Variants in RBL1 observed in about 807,000 individuals in gnomAD.
RBL1 encodes retinoblastoma-like protein 1.
A neutral mutation model predicts 123.0 loss-of-function variants in RBL1; 82 were observed. The ratio of observed to expected loss-of-function variants is 0.67; its 90% CI spans 0.56 to 0.80. RBL1 has a LOEUF of 0.80. Among genes scored for constraint, RBL1 ranks in the 30% least tolerant of loss-of-function variants. RBL1 has a pLI of 0.00. For missense variants in RBL1, 1,171 were observed against 1,299.6 expected, an observed-to-expected ratio of 0.90 and a Z score of 1.52; for synonymous variants, 405 against 441.3, an observed-to-expected ratio of 0.92 and a Z score of 1.03.
At chr20:37,092,684 G>A (rs2065667781) in intron 1 of RBL1, among the ~76,000 whole-genome samples, 1 of 151,850 alleles carries the variant, frequency 6.6e-6, no homozygotes, top group Non-Finnish European at 1.5e-5. Flanking sequence ...TAGAGATAGG[G>A]TCTCACTATG....
At chr20:37,064,310 G>A (rs976750802) in intron 7 of RBL1, among the ~76,000 whole-genome samples, 1 of 151,584 alleles carries the variant, frequency 6.6e-6, no homozygotes, top group African/African-American at 2.4e-5. Flanking sequence ...GCTAATTTTT[G>A]TATTTTTAGT....
chr20:37,089,054 A>G lies in RBL1; in HGVS notation c.225T>C (p.Val75=). 6.2e-7 allele frequency: 1 copy of G among 1,612,884 alleles called. No homozygotes were observed. Residue 75 remains valine, a synonymous_variant, in exon 2 of 22, where the codon GTT becomes GTC. Transcript: ENST00000373664. ...AGTTGCCTTCCATGATACCCTTTCC[A>G]ACCGTGGGAATAATGCTTTTGCGGC... ...VACRKSIIPT[V]GKGIMEGNCV...
At position 37,058,153 on chromosome 20, in the gene RBL1, G is replaced by A. The variant is rs76549670; in HGVS notation, c.1251-1895C>T. 1.9e-3 allele frequency among the ~76,000 whole-genome samples: 240 copies of A among 124,312 alleles called. 1 individual carries two copies. Among genetic ancestry groups the A allele is most frequent in the East Asian group, 5.7e-3 (16 of 2,812 alleles). The allele number at this position is 124,312 out of a possible 152,430, so 81.6% of individuals were successfully genotyped here. A position where few individuals can be genotyped will look rare whatever the true frequency, so the allele number is the denominator to read the frequency against. ...AACAAAACAAAACAAAAAAAAAAAA[G>A]CCTATTCCAGGGTTCACTATTCCTA... On this transcript the variant is annotated intron_variant, in intron 9 of 21. Transcript: ENST00000373664.
intron 2 of RBL1, among the ~76,000 whole-genome samples, chr20:37,075,517 G>A (rs928835133): frequency 6.6e-6 from 1 of 151,814 alleles, no homozygotes; most frequent in Admixed American, 6.6e-5. Flanking sequence ...GTGCAGTGGC[G>A]CGATCTTGGC....
At position 36,997,670 on chromosome 20, in the gene RBL1, C is replaced by T. The variant is rs1211662936; in HGVS notation, c.*1089G>A. The T allele has an allele frequency of 6.6e-6, 1 of 152,062 alleles. No individual in the cohort carries two copies. The highest frequency in any genetic ancestry group is 1.5e-5 in the Non-Finnish European group (1 of 68,018). The allele number at this position is 152,062 out of a possible 1,614,324, so 9.4% of individuals were successfully genotyped here. On this transcript the variant is annotated 3_prime_UTR_variant, in exon 22 of 22. Transcript: ENST00000373664. ...CTAATAGGAATTTAGTTTTTAATAACTAACTGAATTTTATTTTACTGGCTT... is the reference window on the plus strand; with the variant it reads ...CTAATAGGAATTTAGTTTTTAATAATTAACTGAATTTTATTTTACTGGCTT...
intron 2 of RBL1, among the ~76,000 whole-genome samples, chr20:37,083,803 C>CA (rs1172662647): frequency 1.3e-3 from 191 of 146,044 alleles, no homozygotes; most frequent in African/African-American, 4.0e-3. Context: ...GATTCTAGCT[C>CA]AAAAAAAAAT....
chr20:37,007,352 C>T, intron 20 of RBL1, 59 bp downstream of exon 20: 1 of 1,551,322 alleles, frequency 6.4e-7, no homozygotes, highest in East Asian at 2.3e-5. Flanking sequence ...GCAAAATAAA[C>T]TTATAGTAAT....
chr20:37,061,971 G>A, intron 8 of RBL1, 113 bp downstream of exon 8: 3 of 1,209,008 alleles, frequency 2.5e-6, no homozygotes, highest in Admixed American at 2.7e-5. Flanking sequence ...TGAGAAATAT[G>A]AATTAGTAGA....
chr20:37,031,488 T>C (rs1220796997), intron 16 of RBL1, among the ~76,000 whole-genome samples: 1 of 152,150 alleles, frequency 6.6e-6, no homozygotes, highest in African/African-American at 2.4e-5. Context: ...ATTGAAACTA[T>C]AGTAAGATGT....
intron 2 of RBL1, among the ~76,000 whole-genome samples, chr20:37,069,049 A>G (rs566395461): frequency 5.8e-4 from 88 of 152,274 alleles, no homozygotes; most frequent in Middle Eastern, 3.4e-3. Context: ...TGTGTTGGCC[A>G]GGCCGGTCTC....
chr20:37,076,325 A>G (rs905148086), intron 2 of RBL1, among the ~76,000 whole-genome samples: 1 of 152,244 alleles, frequency 6.6e-6, no homozygotes, highest in Non-Finnish European at 1.5e-5. Flanking sequence ...GAGTTTAACA[A>G]TAATAAAATA....
chr20:37,091,737 CCA>C (rs1277539614), intron 1 of RBL1, among the ~76,000 whole-genome samples: 1 of 151,340 alleles, frequency 6.6e-6, no homozygotes, highest in African/African-American at 2.4e-5. Context: ...ATACACTGTT[CCA>C]CAGACTGTCT....
At chr20:37,081,203 T>G (rs1157346395) in intron 2 of RBL1, among the ~76,000 whole-genome samples, 1 of 152,170 alleles carries the variant, frequency 6.6e-6, no homozygotes, top group African/African-American at 2.4e-5. Context: ...CTTTGTAATA[T>G]TCCCCCCTCC....
chr20:37,011,754 T>C (rs1243075842), intron 19 of RBL1, among the ~76,000 whole-genome samples: 3 of 152,098 alleles, frequency 2.0e-5, no homozygotes, highest in Admixed American at 2.0e-4. Flanking sequence ...TTTTTACTGA[T>C]GAAAATAATG....
At chr20:37,048,847 T>C (rs1004102866) in intron 11 of RBL1, among the ~76,000 whole-genome samples, 2 of 150,704 alleles carry the variant, frequency 1.3e-5, no homozygotes, top group Non-Finnish European at 2.9e-5. Flanking sequence ...GAGGATCACT[T>C]GAACCTAGGA....
intron 13 of RBL1, among the ~76,000 whole-genome samples, chr20:37,040,538 A>G (rs2064705364): frequency 6.6e-6 from 1 of 151,894 alleles, no homozygotes; most frequent in Admixed American, 6.6e-5. Context: ...TTTTTAGGAG[A>G]GACGAGGTTT....
At position 36,998,844 on chromosome 20, in the gene RBL1, G is replaced by T; in HGVS notation, c.3122C>A (p.Ser1041Tyr). The T allele has an allele frequency of 1.2e-6, 2 of 1,613,204 alleles. No individual in the cohort carries two copies. Among genetic ancestry groups the T allele is most frequent in the Non-Finnish European group, 1.7e-6 (2 of 1,179,254 alleles). ...RVIAIDSDAE[S>Y]PAKRVCQEND... ...TTCTTGACAGACGCGTTTGGCAGGG[G>T]ATTCTGCATCACTATCGATGGCTAT... Residue 1041 changes from serine to tyrosine, a missense_variant, in exon 22 of 22, where the codon TCC becomes TAC. Coordinates refer to ENST00000373664, the MANE Select transcript of RBL1 (RefSeq NM_002895.5).
chr20:37,034,805 C>CA (rs1284751478), intron 15 of RBL1, among the ~76,000 whole-genome samples: 1 of 150,828 alleles, frequency 6.6e-6, no homozygotes, highest in African/African-American at 2.4e-5. Context: ...AAAGGTGGGG[C>CA]ACAGAGGATT....
In RBL1 at chr20:36,998,425, T is replaced by C. The variant is rs1310861595; in HGVS notation, c.*334A>G. On this transcript the variant is annotated 3_prime_UTR_variant, in exon 22 of 22. Transcript: ENST00000373664. ...TTTTAGTAGAGATGGGGTTTCTCCA[T>C]GTTGGTCAGGCTGGTCTCGAACTCC... is the stretch of plus-strand genomic sequence containing the variant. 5.8e-6 allele frequency: 1 copy of C among 172,092 alleles called. No homozygotes were observed. The highest frequency in any genetic ancestry group is 2.4e-5 in the African/African-American group (1 of 41,676). The allele number at this position is 172,092 out of a possible 1,614,324, so 10.7% of individuals were successfully genotyped here.
Sources: gnomAD v4.1 joint callset for allele counts (sites outside exome capture counted in the v4.1 genomes callset) on GRCh38, gnomAD v4.1.1 for gene constraint, MANE v1.5 for transcripts, NCBI Gene and HGNC (gene_info 2026-07-23, HGNC 2026-07-21) for gene names.